Variants in SAP130 observed in about 807,000 individuals in gnomAD.
SAP130 encodes the protein histone deacetylase complex subunit SAP130.
A neutral mutation model predicts 103.2 loss-of-function variants in SAP130; 16 were observed. That is an observed-to-expected ratio of 0.16 (90% confidence interval 0.10 to 0.24). The LOEUF (loss-of-function observed/expected upper bound fraction) is 0.24, where lower values mean the gene tolerates loss of function less well. Ranked by LOEUF, SAP130 falls within the 10% of genes least tolerant of loss-of-function variation. SAP130 has a pLI of 1.00. For synonymous variants in SAP130, 477 were observed against 497.0 expected (o/e 0.96, Z 0.53); for missense variants, 990 against 1,359.7 (o/e 0.73, Z 4.28).
At chr2:127,991,194 G>A (rs1484465995) in intron 12 of SAP130, among the ~76,000 whole-genome samples, 4 of 151,556 alleles carry the variant, frequency 2.6e-5, no homozygotes, top group Non-Finnish European at 5.9e-5. Context: ...AGGTTGCAGT[G>A]AGCCAAGATC....
intron 7 of SAP130, among the ~76,000 whole-genome samples, chr2:128,003,170 G>A (rs1344007626): frequency 2.0e-5 from 3 of 151,520 alleles, no homozygotes; most frequent in African/African-American, 7.3e-5. Context: ...GTTCTCACTA[G>A]CCCAATTTGG....
chr2:127,980,912 C>CAACAACAAA (rs1321083444), intron 14 of SAP130, among the ~76,000 whole-genome samples: 5 of 151,756 alleles, frequency 3.3e-5, no homozygotes, highest in African/African-American at 1.2e-4. Flanking sequence ...ACAACAACAA[C>CAACAACAAA]AAATTCATAG....
chr2:127,963,447 C>A (rs905082022), intron 15 of SAP130, among the ~76,000 whole-genome samples: 4 of 152,142 alleles, frequency 2.6e-5, no homozygotes, highest in African/African-American at 9.7e-5. Context: ...CCAAGCCGGT[C>A]TCGAACTCCT....
intron 2 of SAP130, among the ~76,000 whole-genome samples, chr2:128,021,454 A>AC (rs1169653611): frequency 6.6e-6 from 1 of 151,902 alleles, no homozygotes; most frequent in Non-Finnish European, 1.5e-5. Context: ...CTCAAAAAAA[A>AC]AAAAAAACAA....
chr2:128,016,332 A>G (rs1412373495), intron 4 of SAP130, 57 bp downstream of exon 4: 1 of 1,550,474 alleles, frequency 6.4e-7, no homozygotes, highest in East Asian at 2.3e-5. Flanking sequence ...TCAATAAATC[A>G]TGATCAACAG....
chr2:127,944,543 C>T (rs1678934570), intron 19 of SAP130, among the ~76,000 whole-genome samples: 1 of 151,932 alleles, frequency 6.6e-6, no homozygotes. Context: ...AATTCTCCTA[C>T]CTCAGCCTCC....
intron 16 of SAP130, among the ~76,000 whole-genome samples, chr2:127,952,096 A>G (rs1033598686): frequency 1.3e-5 from 2 of 152,102 alleles, no homozygotes; most frequent in Non-Finnish European, 2.9e-5. Context: ...CTGCATCATC[A>G]ATTCTTCTCA....
intron 5 of SAP130, 31 bp downstream of exon 5, chr2:128,014,772 G>T: frequency 1.4e-6 from 2 of 1,463,102 alleles, no homozygotes; most frequent in Non-Finnish European, 1.9e-6. Context: ...ACTACATTTT[G>T]AGAGTTTGAA....
At position 127,986,961 on chromosome 2, in the gene SAP130, T is replaced by C; in HGVS notation, c.1782A>G (p.Ala594=). The change falls in exon 14 of 21, where the codon GCA becomes GCG. Residue 594 remains alanine (A), a splice_region_variant and synonymous_variant. Coordinates refer to ENST00000643581, the MANE Select transcript of SAP130 (RefSeq NM_001330301.2). The surrounding 1 kb of genome is among the most constrained non-coding windows in gnomAD (Gnocchi z 4.7). The stretch of plus-strand genomic sequence containing the variant: ...TTGTGGCTCCATCTGCCAACACCAC[T>C]GCTACAGGAGAGAGGCAACAGGAAA... ...QQPQPEGKTS[A]VVLADGATIV... is the part of the protein sequence containing the mutation. 6.2e-7 allele frequency: 1 copy of C among 1,611,064 alleles called. No individual in the cohort carries two copies. The highest frequency in any genetic ancestry group is 8.5e-7 in the Non-Finnish European group (1 of 1,177,566).
chr2:127,963,686 A>C (rs1680427279), intron 15 of SAP130, among the ~76,000 whole-genome samples: 1 of 152,168 alleles, frequency 6.6e-6, no homozygotes, highest in Admixed American at 6.5e-5. Flanking sequence ...TGACTGAATC[A>C]CGGGGGCGGG....
intron 6 of SAP130, 48 bp from the exon 7 acceptor site, chr2:128,010,441 G>A (rs771013277): frequency 6.4e-7 from 1 of 1,569,166 alleles, no homozygotes. Flanking sequence ...ATAAAATAGA[G>A]GAAGTCAAAT....
At chr2:128,012,295 T>C (rs112200738) in intron 6 of SAP130, among the ~76,000 whole-genome samples, 43,169 of 151,722 alleles carry the variant, frequency 0.28, 6,852 homozygotes, top group African/African-American at 0.44. Context: ...CAGGGTGAAA[T>C]CCTGTCTCTA....
At chr2:128,023,923 T>C (rs1200555713) in intron 2 of SAP130, among the ~76,000 whole-genome samples, 2 of 132,630 alleles carry the variant, frequency 1.5e-5, no homozygotes, top group Non-Finnish European at 3.2e-5. Flanking sequence ...TAGAGAATAA[T>C]AATATTCTCT....
intron 15 of SAP130, among the ~76,000 whole-genome samples, chr2:127,958,689 TCTCA>T (rs1437451325): frequency 7.0e-6 from 1 of 143,042 alleles, no homozygotes; most frequent in Non-Finnish European, 1.5e-5. Flanking sequence ...AGAGAGAATC[TCTCA>T]CTGTGTTGCC....
At chr2:127,947,754 T>C (rs569254881) in intron 18 of SAP130, among the ~76,000 whole-genome samples, 1,743 of 28,668 alleles carry the variant, frequency 0.061, 23 homozygotes, top group South Asian at 0.2. Flanking sequence ...TAATTTTGTA[T>C]TGTGTGTGTC....
chr2:128,015,932 T>G (rs1335931715), intron 4 of SAP130, among the ~76,000 whole-genome samples: 1 of 140,332 alleles, frequency 7.1e-6, no homozygotes, highest in Non-Finnish European at 1.5e-5. Flanking sequence ...CACCGTGAGA[T>G]TCTGTCTCAA....
intron 12 of SAP130, among the ~76,000 whole-genome samples, chr2:127,992,333 T>G: frequency 6.7e-6 from 1 of 148,636 alleles, no homozygotes; most frequent in African/African-American, 2.5e-5. Context: ...CAGACTGGAG[T>G]GCAGTGGCAC....
At chr2:127,956,664 G>A (rs1461831637) in intron 15 of SAP130, among the ~76,000 whole-genome samples, 1 of 142,150 alleles carries the variant, frequency 7.0e-6, no homozygotes, top group African/African-American at 2.6e-5. Flanking sequence ...TAACAAACCT[G>A]CACATTGTGC....
rs2304520 is a variant in SAP130, at chr2:127,942,202, T to C, written c.3016-38A>G. 6.4e-7 allele frequency: 1 copy of C among 1,554,118 alleles called. No homozygotes were observed. The highest frequency in any genetic ancestry group is 2.1e-5 in the Admixed American group (1 of 48,144). On this transcript the variant is annotated intron_variant, in intron 20 of 20. Coordinates refer to ENST00000643581, the MANE Select transcript of SAP130 (RefSeq NM_001330301.2). The surrounding 1 kb of genome is among the most constrained non-coding windows in gnomAD (Gnocchi z 4.8). ...ACATTGCATCATCAATCAGTGACCA[T>C]GAGGATAGTACAGCTTTTAAAAAAC...
Sources: gnomAD v4.1 joint callset for allele counts (sites outside exome capture counted in the v4.1 genomes callset) on GRCh38, gnomAD v4.1.1 for gene constraint, Gnocchi (gnomAD v3.1) non-coding constraint, MANE v1.5 for transcripts, NCBI Gene and HGNC (gene_info 2026-07-23, HGNC 2026-07-21) for gene names.